GALNT13: variants seen among roughly 807,000 people sequenced by gnomAD.
The protein encoded by GALNT13 is polypeptide N-acetylgalactosaminyltransferase 13, also known as UDP-GalNAc:polypeptide N-acetylgalactosaminyltransferase 13.
Under a neutral mutation model 64.2 loss-of-function variants are expected in GALNT13, and 28 were observed. That is an observed-to-expected ratio of 0.44 (90% CI 0.32 to 0.60). The LOEUF is 0.60. Among genes scored for constraint, GALNT13 ranks in the 20% least tolerant of loss-of-function variants. GALNT13 has a pLI of 0.05. For missense variants in GALNT13, 577 were observed against 669.8 expected, an observed-to-expected ratio of 0.86 and a Z score of 1.53; for synonymous variants, 214 against 224.6, an observed-to-expected ratio of 0.95 and a Z score of 0.42.
At chr2:153,900,740 T>C (rs868685047) in intron 1 of GALNT13, among the ~76,000 whole-genome samples, 196 bp from the exon 2 acceptor site, 1 of 152,152 alleles carries the variant, frequency 6.6e-6, no homozygotes, top group Non-Finnish European at 1.5e-5. Flanking sequence ...TGACTGATGT[T>C]TTGGAATATT....
the GALNT13 span, among the ~76,000 whole-genome samples, chr2:153,719,373 C>T: frequency 6.6e-6 from 1 of 152,146 alleles, no homozygotes; most frequent in African/African-American, 2.4e-5. Flanking sequence ...TGAAAGGTAC[C>T]TCTTCAATTT....
chr2:153,957,350 C>A (rs552391827), intron 3 of GALNT13, among the ~76,000 whole-genome samples: 1 of 152,170 alleles, frequency 6.6e-6, no homozygotes, highest in African/African-American at 2.4e-5. Flanking sequence ...CCCTGGAGAC[C>A]CCGAACTACC....
At chr2:153,163,327 G>T in the GALNT13 span, among the ~76,000 whole-genome samples, 41 of 151,852 alleles carry the variant, frequency 2.7e-4, no homozygotes, top group Non-Finnish European at 5.2e-4. Flanking sequence ...AGAATTCAGG[G>T]TTTTTTTTGG....
chr2:153,786,758 C>T, the GALNT13 span, among the ~76,000 whole-genome samples: 1 of 151,726 alleles, frequency 6.6e-6, no homozygotes, highest in Non-Finnish European at 1.5e-5. Flanking sequence ...AATTGAAAGC[C>T]CCTCTGCCAC....
intron 3 of GALNT13, among the ~76,000 whole-genome samples, chr2:154,012,090 G>T (rs1036452761): frequency 6.6e-6 from 1 of 152,144 alleles, no homozygotes; most frequent in Non-Finnish European, 1.5e-5. Context: ...TTGATAAGTG[G>T]GTATTTGATT....
At chr2:153,185,656 C>T in the GALNT13 span, among the ~76,000 whole-genome samples, 1 of 152,164 alleles carries the variant, frequency 6.6e-6, no homozygotes, top group African/African-American at 2.4e-5. Flanking sequence ...GGTACACGGT[C>T]TCTTTGTTCT....
chr2:153,173,759 A>T, the GALNT13 span, among the ~76,000 whole-genome samples: 4 of 152,300 alleles, frequency 2.6e-5, no homozygotes, highest in East Asian at 5.8e-4. Context: ...CCCAAATCTC[A>T]TCTAAACACT....
the GALNT13 span, among the ~76,000 whole-genome samples, chr2:153,190,110 C>T: frequency 6.6e-6 from 1 of 151,920 alleles, no homozygotes; most frequent in African/African-American, 2.4e-5. Context: ...ACGTCCCATT[C>T]GTTTATTCTG....
the GALNT13 span, among the ~76,000 whole-genome samples, chr2:153,335,389 GC>G: frequency 6.6e-6 from 1 of 152,180 alleles, no homozygotes; most frequent in Non-Finnish European, 1.5e-5. Flanking sequence ...GAATGGCTTC[GC>G]CCAAAATTCT....
At chr2:153,873,872 GTCTC>G (rs72565103) in intron 1 of GALNT13, among the ~76,000 whole-genome samples, 13,626 of 150,950 alleles carry the variant, frequency 0.09, 725 homozygotes, top group South Asian at 0.13. Context: ...CTGTCTCCCT[GTCTC>G]TCTCTCTCTG....
chr2:154,282,276 G>A (rs1692002037), intron 8 of GALNT13, among the ~76,000 whole-genome samples: 1 of 152,096 alleles, frequency 6.6e-6, no homozygotes, highest in Non-Finnish European at 1.5e-5. Flanking sequence ...ATTTGAGGGG[G>A]AAAAACACAT....
intron 1 of GALNT13, among the ~76,000 whole-genome samples, 169 bp from the exon 2 acceptor site, chr2:153,900,767 T>C (rs1036127893): frequency 3.9e-5 from 6 of 152,178 alleles, no homozygotes; most frequent in Non-Finnish European, 5.9e-5. Context: ...TAGTTGGGAA[T>C]ACTTCTGTTC....
At chr2:154,065,352 G>T (rs1024876936) in intron 3 of GALNT13, among the ~76,000 whole-genome samples, 3 of 152,138 alleles carry the variant, frequency 2.0e-5, no homozygotes, top group African/African-American at 7.2e-5. Context: ...GCTGTCTGCT[G>T]ATTATAGATC....
At chr2:154,231,698 A>G (rs1029898802) in intron 4 of GALNT13, among the ~76,000 whole-genome samples, 5 of 150,286 alleles carry the variant, frequency 3.3e-5, no homozygotes, top group Admixed American at 6.7e-5. Flanking sequence ...TTTCCTCACC[A>G]ATAGTGTTGA....
the GALNT13 span, among the ~76,000 whole-genome samples, chr2:153,692,552 T>C: frequency 6.6e-6 from 1 of 152,216 alleles, no homozygotes; most frequent in Admixed American, 6.5e-5. Flanking sequence ...ATTGTTTCTT[T>C]AGTTGGAATA....
intron 11 of GALNT13, among the ~76,000 whole-genome samples, chr2:154,438,283 C>T (rs1527862): frequency 0.12 from 18,060 of 152,206 alleles, 1,206 homozygotes; most frequent in East Asian, 0.24. Flanking sequence ...CTTTATTTTA[C>T]TTAACCTATT....
the GALNT13 span, among the ~76,000 whole-genome samples, chr2:153,386,558 G>A: frequency 2.0e-5 from 3 of 151,992 alleles, no homozygotes; most frequent in African/African-American, 7.2e-5. Flanking sequence ...TCTGAGTTGG[G>A]CCAGAGAGCA....
chr2:154,232,948 G>A (rs1688999904), intron 4 of GALNT13, among the ~76,000 whole-genome samples: 2 of 147,052 alleles, frequency 1.4e-5, no homozygotes, highest in African/African-American at 5.0e-5. Context: ...TGGCTGAGTA[G>A]AAGGATGCTT....
At chr2:153,879,220 A>T (rs1686600850) in intron 1 of GALNT13, among the ~76,000 whole-genome samples, 1 of 152,222 alleles carries the variant, frequency 6.6e-6, no homozygotes, top group Non-Finnish European at 1.5e-5. Flanking sequence ...GACCTTCAAA[A>T]GTAGATTTTA....
Sources: allele counts gnomAD v4.1 joint callset (sites outside exome capture counted in the v4.1 genomes callset), GRCh38; gene constraint gnomAD v4.1.1; transcripts MANE v1.5; gene names NCBI Gene and HGNC (gene_info 2026-07-23, HGNC 2026-07-21).